ABCA13: variants seen among roughly 807,000 people sequenced by gnomAD.
The protein encoded by ABCA13 is ATP-binding cassette sub-family A member 13.
Under a neutral mutation model 478.7 loss-of-function variants are expected in ABCA13, and 476 were observed. The ratio of observed to expected loss-of-function variants is 0.99; its 90% CI spans 0.92 to 1.07. The LOEUF (loss-of-function observed/expected upper bound fraction) is 1.07. Among genes scored for constraint, ABCA13 ranks in the 50% least tolerant of loss-of-function variants. ABCA13 has a pLI of 0.00. For missense variants in ABCA13, 6,060 were observed against 5,910.6 expected (o/e 1.03, Z -0.83); for synonymous variants, 2,252 against 2,158.9 (o/e 1.04, Z -1.20).
Position 48,505,135 on chromosome 7 carries a change from G to C in ABCA13, c.13292-1201G>C. 1.3e-5 allele frequency among the ~76,000 whole-genome samples: 2 copies of C among 152,148 alleles called. 1 individual carries two copies. Among genetic ancestry groups the C allele is most frequent in the Non-Finnish European group, 2.9e-5 (2 of 68,036 alleles). On this transcript the variant is annotated intron_variant, in intron 48 of 61. Transcript: ENST00000435803. ...AAAATTTATTCTGGAAAACTGTACA[G>C]TGGATTTGCTGAACCAACAGCTCCT...
chr7:48,411,061 CT>C (rs1411122787), intron 40 of ABCA13, among the ~76,000 whole-genome samples: 1 of 118,440 alleles, frequency 8.4e-6, no homozygotes, highest in Non-Finnish European at 1.8e-5. Flanking sequence ...TTCTTTCTTT[CT>C]TTCTTTCTTT....
At chr7:48,531,333 C>G (rs1309145042) in intron 55 of ABCA13, among the ~76,000 whole-genome samples, 1 of 152,050 alleles carries the variant, frequency 6.6e-6, no homozygotes. Context: ...GTTATTGATT[C>G]TGTTCCATTC....
intron 49 of ABCA13, among the ~76,000 whole-genome samples, chr7:48,507,230 A>G (rs989327435): frequency 6.6e-6 from 1 of 152,190 alleles, no homozygotes; most frequent in African/African-American, 2.4e-5. Context: ...GGCACAGCAG[A>G]TGACTTGTGC....
intron 45 of ABCA13, among the ~76,000 whole-genome samples, chr7:48,477,921 A>G (rs893596583): frequency 5.3e-5 from 8 of 152,110 alleles, no homozygotes; most frequent in Middle Eastern, 3.4e-3. Context: ...GACCAAGGAT[A>G]TTTTCTAGTA....
chr7:48,628,114 T>C (rs1490524293), intron 59 of ABCA13, among the ~76,000 whole-genome samples: 1 of 152,172 alleles, frequency 6.6e-6, no homozygotes, highest in Non-Finnish European at 1.5e-5. Flanking sequence ...GTAAAGTTCT[T>C]TCCCAAGAAA....
intron 55 of ABCA13, among the ~76,000 whole-genome samples, chr7:48,546,627 A>G (rs1471973915): frequency 6.6e-6 from 1 of 151,720 alleles, no homozygotes; most frequent in Admixed American, 6.6e-5. Flanking sequence ...CTCCATTTTA[A>G]TATATGCAAC....
At chr7:48,233,746 C>T (rs1282482475) in intron 7 of ABCA13, among the ~76,000 whole-genome samples, 1 of 152,128 alleles carries the variant, frequency 6.6e-6, no homozygotes, top group East Asian at 1.9e-4. Context: ...GGTTCAATGA[C>T]TTGAATTTTA....
chr7:48,240,360 C>T (rs145214886), intron 9 of ABCA13, among the ~76,000 whole-genome samples: 45 of 152,280 alleles, frequency 3.0e-4, no homozygotes, highest in Middle Eastern at 3.4e-3. Context: ...GTACATCGTG[C>T]ACCTCTCCAT....
At chr7:48,179,273 T>C (rs1795317094) in intron 1 of ABCA13, among the ~76,000 whole-genome samples, 1 of 152,178 alleles carries the variant, frequency 6.6e-6, no homozygotes, top group African/African-American at 2.4e-5. Flanking sequence ...GCCGCGGCTA[T>C]TTATTGGGGA....
rs369511345 is a variant in ABCA13, at chr7:48,229,911, T to C, written c.719T>C (p.Ile240Thr). ...QVSELVLNVT[I>T]STLTFLQQHG... Reference sequence around the variant, plus strand: ...TCTGAACTTGTACTGAATGTGACCATTTCGACACTGACATTTCTGCAGCAA... The same window carrying C: ...TCTGAACTTGTACTGAATGTGACCACTTCGACACTGACATTTCTGCAGCAA... Residue 240 changes from isoleucine (I) to threonine (T), a missense_variant, in exon 7 of 62, where the codon ATT becomes ACT. Physicochemically the swap from Ile to Thr is moderately conservative, Grantham distance 89. Around this residue, in one of 3 missense-constraint regions of ABCA13, gnomAD observed 4,423 missense variants for 4,309.1 expected, o/e 1.03. Coordinates refer to ENST00000435803, the MANE Select transcript of ABCA13 (RefSeq NM_152701.5). 1.9e-6 allele frequency: 3 copies of C among 1,613,904 alleles called. No individual in the cohort carries two copies. The highest frequency in any genetic ancestry group is 2.5e-6 in the Non-Finnish European group (3 of 1,179,886).
At chr7:48,428,053 C>T (rs1196099313) in intron 42 of ABCA13, among the ~76,000 whole-genome samples, 182 bp downstream of exon 42, 1 of 138,852 alleles carries the variant, frequency 7.2e-6, no homozygotes, top group Non-Finnish European at 1.6e-5. Context: ...TTTATCCTGG[C>T]TTGAAAAAAA....
intron 41 of ABCA13, among the ~76,000 whole-genome samples, chr7:48,414,409 C>T (rs1299968607): frequency 6.6e-6 from 1 of 152,044 alleles, no homozygotes; most frequent in Non-Finnish European, 1.5e-5. Context: ...CAGCAGTGCC[C>T]AGGACAGTTA....
At position 48,404,065 on chromosome 7, in the gene ABCA13, A is replaced by C. The variant is rs1160653914; in HGVS notation, c.12070+186A>C. 3 of 677,560 alleles carry C rather than the reference A, an allele frequency of 4.4e-6. No individual in the cohort carries two copies. In the South Asian group the frequency reaches 4.5e-5, roughly 10 times the overall value. 42.0% of individuals were successfully genotyped at this position (677,560 alleles called of 1,614,324 possible). A position where few individuals can be genotyped will look rare whatever the true frequency, so the allele number is the denominator to read the frequency against. ...AGATAACATCTCTATAGTGCTTAGA[A>C]TTGCTTACTTTGTGTTTGACCTTTT... On this transcript the variant is annotated intron_variant, in intron 39 of 61. Coordinates refer to ENST00000435803, the MANE Select transcript of ABCA13 (RefSeq NM_152701.5).
At chr7:48,492,908 C>A (rs1260608378) in intron 48 of ABCA13, among the ~76,000 whole-genome samples, 1 of 152,036 alleles carries the variant, frequency 6.6e-6, no homozygotes, top group Non-Finnish European at 1.5e-5. Flanking sequence ...CACCTGTAAT[C>A]CCAGCTACTT....
chr7:48,412,733 C>T lies in ABCA13; in HGVS notation c.12459+150C>T, dbSNP rs181260858. 14 of 549,788 alleles carry T rather than the reference C, an allele frequency of 2.5e-5. No homozygotes were observed. In the Admixed American group the frequency reaches 4.1e-4, roughly 16 times the overall value. 34.1% of individuals were successfully genotyped at this position (549,788 alleles called of 1,614,324 possible). Reference sequence around the variant, plus strand: ...CATTTGATTTCTGATTGGTAGCATACTAGATGCCAATAACTGAACTTAACA... The same window carrying T: ...CATTTGATTTCTGATTGGTAGCATATTAGATGCCAATAACTGAACTTAACA... On this transcript the variant is annotated intron_variant, in intron 41 of 61. Transcript: ENST00000435803.
chr7:48,360,399 A>G (rs1016855240), intron 31 of ABCA13, among the ~76,000 whole-genome samples: 1 of 151,936 alleles, frequency 6.6e-6, no homozygotes, highest in Non-Finnish European at 1.5e-5. Context: ...TAATTTATAG[A>G]TAGTTCTTTG....
At chr7:48,244,428 C>A in intron 10 of ABCA13, 148 bp from the exon 11 acceptor site, 1 of 945,232 alleles carries the variant, frequency 1.1e-6, no homozygotes, top group South Asian at 1.8e-5. Flanking sequence ...TGTCAAGAAC[C>A]TGGTTGTGTG....
rs1554419675 is a variant in ABCA13, at chr7:48,293,196, C to CCCCA, written c.8956-2501_8956-2500insACCC. ...TCATTTCCTGAGAAGTCTTCAGCCC[C>CCCCA]CCCCCCGCCACACACACACTAAATC... On this transcript the variant is annotated intron_variant, in intron 20 of 61. Coordinates refer to ENST00000435803, the MANE Select transcript of ABCA13 (RefSeq NM_152701.5). Among the ~76,000 whole-genome samples the CCCCA allele has an allele frequency of 1.2e-3, 153 of 131,852 alleles. 6 individuals carry two copies. The highest frequency in any genetic ancestry group is 9.4e-3 in the Admixed American group (129 of 13,678). The allele number at this position is 131,852 out of a possible 152,430, so 86.5% of individuals were successfully genotyped here.
At position 48,559,741 on chromosome 7, in the gene ABCA13, A is replaced by G. The variant is rs142790289; in HGVS notation, c.14355-20483A>G. On this transcript the variant is annotated intron_variant, in intron 55 of 61. Transcript: ENST00000435803. The stretch of plus-strand genomic sequence containing the variant: ...TTCAGGACTCAAAAGTTCTTTCGTC[A>G]TCGAGTGATGAGTCCTGCCACGACT... Among the ~76,000 whole-genome samples, 250 of 152,286 alleles carry G rather than the reference A, an allele frequency of 1.6e-3. 1 individual carries two copies. Among genetic ancestry groups the G allele is most frequent in the African/African-American group, 5.6e-3 (234 of 41,564 alleles).
Sources: allele counts gnomAD v4.1 joint callset (sites outside exome capture counted in the v4.1 genomes callset), GRCh38; gene constraint gnomAD v4.1.1; regional missense constraint gnomAD v4.1.1; transcripts MANE v1.5; gene names NCBI Gene and HGNC (gene_info 2026-07-23, HGNC 2026-07-21).